SPAST: variants seen among roughly 807,000 people sequenced by gnomAD.
SPAST encodes spastin.
Under a neutral mutation model 76.6 loss-of-function variants are expected in SPAST, and 30 were observed. That is an observed-to-expected ratio of 0.39 (90% confidence interval 0.29 to 0.53). The LOEUF is 0.53. Among genes scored for constraint, SPAST ranks in the 20% least tolerant of loss-of-function variants. SPAST has a pLI of 0.68. For missense variants in SPAST, 717 were observed against 770.5 expected (o/e 0.93, Z 0.82); for synonymous variants, 305 against 281.0 (o/e 1.09, Z -0.86).
In SPAST at chr2:32,063,767, C is replaced by G; in HGVS notation, c.-65C>G. On this transcript the variant is annotated 5_prime_UTR_variant, in exon 1 of 17. Transcript: ENST00000315285. ...CCCCCGCCGTAGCAGTGGCTGCCGCCGTCGCTTGGTTCCCGTCGGTCTGCG... is the reference window on the plus strand; with the variant it reads ...CCCCCGCCGTAGCAGTGGCTGCCGCGGTCGCTTGGTTCCCGTCGGTCTGCG... 6.5e-7 allele frequency: 1 copy of G among 1,527,888 alleles called. No individual in the cohort carries two copies. The highest frequency in any genetic ancestry group is 8.7e-7 in the Non-Finnish European group (1 of 1,143,442). 94.6% of individuals were successfully genotyped at this position (1,527,888 alleles called of 1,614,324 possible). A position where few individuals can be genotyped will look rare whatever the true frequency, so the allele number is the denominator to read the frequency against.
intron 16 of SPAST, among the ~76,000 whole-genome samples, chr2:32,148,655 A>C (rs1436689787): frequency 1.3e-5 from 2 of 152,064 alleles, no homozygotes; most frequent in Non-Finnish European, 2.9e-5. Context: ...TAAAAAATAC[A>C]AAAAAATTAC....
chr2:32,098,646 G>T (rs1678007066), intron 3 of SPAST, 150 bp from the exon 4 acceptor site: 2 of 561,438 alleles, frequency 3.6e-6, no homozygotes, highest in Non-Finnish European at 3.2e-6. Flanking sequence ...TATTTTAAAA[G>T]ATAATTTTAT....
At chr2:32,137,580 T>G (rs560375151) in intron 12 of SPAST, among the ~76,000 whole-genome samples, 1 of 152,342 alleles carries the variant, frequency 6.6e-6, no homozygotes, top group South Asian at 2.1e-4. Context: ...GGAAGGACGG[T>G]TTGGGTCAGC....
At chr2:32,080,603 T>TTTA (rs1558617863) in intron 1 of SPAST, among the ~76,000 whole-genome samples, 1 of 147,302 alleles carries the variant, frequency 6.8e-6, no homozygotes, top group Non-Finnish European at 1.5e-5. Context: ...TGGGAGCTAA[T>TTTA]GTTAAAGGAT....
chr2:32,147,000 A>G (rs1679908561), intron 15 of SPAST, among the ~76,000 whole-genome samples: 1 of 152,082 alleles, frequency 6.6e-6, no homozygotes, highest in African/African-American at 2.4e-5. Context: ...GCAGTATGCA[A>G]GAAATTGAAC....
chr2:32,142,581 A>C (rs771020488), intron 13 of SPAST, among the ~76,000 whole-genome samples: 1 of 151,886 alleles, frequency 6.6e-6, no homozygotes, highest in Non-Finnish European at 1.5e-5. Context: ...GGCCTGGCTA[A>C]TTTTTTGTGT....
At chr2:32,146,851 C>CAAAAAAAAAAAAAAAAA in intron 15 of SPAST, among the ~76,000 whole-genome samples, 1 of 19,224 alleles carries the variant, frequency 5.2e-5, no homozygotes, top group Non-Finnish European at 1.1e-4. Context: ...GACTCTGTCT[C>CAAAAAAAAAAAAAAAAA]AAAAAAAAAA....
At chr2:32,143,836 G>A (rs1475232850) in intron 14 of SPAST, among the ~76,000 whole-genome samples, 1 of 152,042 alleles carries the variant, frequency 6.6e-6, no homozygotes, top group African/African-American at 2.4e-5. Flanking sequence ...CCCGGGAGGT[G>A]GAGGTTGAGC....
intron 1 of SPAST, among the ~76,000 whole-genome samples, chr2:32,073,748 T>C (rs899705759): frequency 6.6e-6 from 1 of 152,230 alleles, no homozygotes; most frequent in Admixed American, 6.5e-5. Context: ...TTACACATCA[T>C]ATACAATAAA....
intron 1 of SPAST, among the ~76,000 whole-genome samples, chr2:32,064,766 A>G (rs2148686502): frequency 6.6e-6 from 1 of 152,366 alleles, no homozygotes; most frequent in East Asian, 1.9e-4. Context: ...ATTTTAATCA[A>G]GATAATCATT....
intron 3 of SPAST, among the ~76,000 whole-genome samples, chr2:32,097,973 C>T (rs1677984598): frequency 1.3e-5 from 2 of 152,082 alleles, no homozygotes; most frequent in African/African-American, 4.8e-5. Flanking sequence ...GCTGGGATTA[C>T]AGACGTGAGC....
At chr2:32,141,606 GT>G (rs1262226917) in intron 12 of SPAST, among the ~76,000 whole-genome samples, 1 of 151,950 alleles carries the variant, frequency 6.6e-6, no homozygotes, top group East Asian at 1.9e-4. Context: ...GCTGATTTTA[GT>G]TTTTTTCAGA....
chr2:32,087,324 G>A (rs1466891458), intron 1 of SPAST, among the ~76,000 whole-genome samples, 168 bp from the exon 2 acceptor site: 1 of 152,080 alleles, frequency 6.6e-6, no homozygotes, highest in Non-Finnish European at 1.5e-5. Context: ...TCCCCATAAT[G>A]GAGTTACATA....
intron 6 of SPAST, 75 bp from the exon 7 acceptor site, chr2:32,116,044 A>C: frequency 8.8e-7 from 1 of 1,135,504 alleles, no homozygotes; most frequent in South Asian, 1.2e-5. Flanking sequence ...ACTATATGTC[A>C]TAGGGCTTAG....
intron 12 of SPAST, among the ~76,000 whole-genome samples, chr2:32,138,484 G>C (rs539215499): frequency 4.5e-4 from 68 of 152,178 alleles, no homozygotes; most frequent in Middle Eastern, 3.4e-3. Context: ...TATGTCTTTT[G>C]AGAAGTGTCT....
chr2:32,115,396 T>G (rs1678789770), intron 5 of SPAST, among the ~76,000 whole-genome samples: 1 of 152,178 alleles, frequency 6.6e-6, no homozygotes, highest in Non-Finnish European at 1.5e-5. Context: ...TATTTCAATC[T>G]TTGTAAATGT....
chr2:32,098,958 GATA>G, intron 4 of SPAST, 67 bp downstream of exon 4: 1 of 1,022,984 alleles, frequency 9.8e-7, no homozygotes, highest in Non-Finnish European at 1.5e-6. Context: ...TACTTAACCT[GATA>G]ATGTTGATTT....
chr2:32,153,427 G>A (rs963878704), intron 16 of SPAST, among the ~76,000 whole-genome samples: 1 of 147,364 alleles, frequency 6.8e-6, no homozygotes, highest in Non-Finnish European at 1.5e-5. Flanking sequence ...AGGTTCAAGC[G>A]ATTCTCCTGC....
intron 1 of SPAST, among the ~76,000 whole-genome samples, chr2:32,075,239 G>A (rs746254641): frequency 4.0e-5 from 6 of 151,314 alleles, no homozygotes; most frequent in East Asian, 2.0e-4. Flanking sequence ...TGGCTAACAC[G>A]GTGAAACCCC....
Sources: allele counts gnomAD v4.1 joint callset (sites outside exome capture counted in the v4.1 genomes callset), GRCh38; gene constraint gnomAD v4.1.1; transcripts MANE v1.5; gene names NCBI Gene and HGNC (gene_info 2026-07-23, HGNC 2026-07-21).